UCP3: variants seen among roughly 807,000 people sequenced by gnomAD.
UCP3 encodes putative mitochondrial transporter UCP3.
Under a neutral mutation model 28.1 loss-of-function variants are expected in UCP3, and 24 were observed. The ratio of observed to expected loss-of-function variants is 0.85; its 90% CI spans 0.62 to 1.20. The LOEUF is 1.20. Among genes scored for constraint, UCP3 ranks in the 50% most tolerant of loss-of-function variants. The pLI, the probability that UCP3 is intolerant of heterozygous loss-of-function variation, is 0.00. For synonymous variants in UCP3, 184 were observed against 171.2 expected (o/e 1.07, Z -0.59); for missense variants, 397 against 422.2 (o/e 0.94, Z 0.52).
Position 74,007,053 on chromosome 11 carries a change from G to C in UCP3, c.-11C>G, listed in dbSNP as rs1028086908. On this transcript the variant is annotated 5_prime_UTR_variant, in exon 2 of 7. Transcript: ENST00000314032. ...CTTCAGTCCAACCATAGTCCTGGAA[G>C]GCTCTGCCCAGTCCCTTTAGGGCCG... The C allele has an allele frequency of 8.7e-6, 14 of 1,613,610 alleles. No individual in the cohort carries two copies. Among genetic ancestry groups the C allele is most frequent in the Non-Finnish European group, 1.2e-5 (14 of 1,180,014 alleles).
At chr11:74,002,274 C>A in intron 6 of UCP3, 1 of 153,412 alleles carries the variant, frequency 6.5e-6, no homozygotes. Flanking sequence ...GTCCCCTCCT[C>A]TCCTCCTTCC....
chr11:74,001,749 C>T (rs1037861284), intron 6 of UCP3: 22 of 534,306 alleles, frequency 4.1e-5, no homozygotes, highest in African/African-American at 9.6e-5. Flanking sequence ...CGTTTTGAGA[C>T]GGGTTACTGT....
chr11:74,005,187 C>T (rs768100808), intron 4 of UCP3, among the ~76,000 whole-genome samples: 3 of 152,204 alleles, frequency 2.0e-5, no homozygotes, highest in Non-Finnish European at 4.4e-5. Flanking sequence ...GCCATGTGGA[C>T]ACATAGGGAG....
Sources: allele counts gnomAD v4.1 joint callset (sites outside exome capture counted in the v4.1 genomes callset), GRCh38; gene constraint gnomAD v4.1.1; transcripts MANE v1.5; gene names NCBI Gene and HGNC (gene_info 2026-07-23, HGNC 2026-07-21).